PEPD: variants seen among roughly 807,000 people sequenced by gnomAD.
The protein encoded by PEPD is xaa-Pro dipeptidase.
In PEPD, 53 loss-of-function variants were observed where a neutral mutation model predicts 60.7. The observed-to-expected ratio is 0.87, with a 90% confidence interval of 0.70 to 1.10. PEPD has a LOEUF of 1.10. Ranked by LOEUF, PEPD falls within the 50% of genes least tolerant of loss-of-function variation. The pLI is 0.00. For missense variants in PEPD, 711 were observed against 711.9 expected (o/e 1.00, Z 0.01); for synonymous variants, 267 against 284.1 (o/e 0.94, Z 0.60).
intron 9 of PEPD, among the ~76,000 whole-genome samples, chr19:33,455,888 T>C (rs1185856686): frequency 6.6e-6 from 1 of 152,136 alleles, no homozygotes; most frequent in African/African-American, 2.4e-5. Context: ...CACAGTTCCT[T>C]ATGATTTCTA....
At chr19:33,438,837 A>C (rs73588266) in intron 9 of PEPD, among the ~76,000 whole-genome samples, 1,822 of 152,336 alleles carry the variant, frequency 0.012, 38 homozygotes, top group African/African-American at 0.041. Flanking sequence ...CTCCTGCCTC[A>C]GCCTCCTGAG....
chr19:33,493,180 T>A (rs1970532557), intron 5 of PEPD, 110 bp downstream of exon 5: 4 of 795,344 alleles, frequency 5.0e-6, no homozygotes, highest in Non-Finnish European at 8.8e-6. Context: ...CCAACCCCTC[T>A]CCGTTTTTTA....
At chr19:33,434,901 T>C (rs1969345076) in intron 9 of PEPD, among the ~76,000 whole-genome samples, 1 of 144,126 alleles carries the variant, frequency 6.9e-6, no homozygotes, top group South Asian at 2.2e-4. Context: ...GGCACTCAGG[T>C]GTTAAGGTTG....
chr19:33,481,285 G>T (rs12608727), intron 6 of PEPD, among the ~76,000 whole-genome samples: 1 of 152,146 alleles, frequency 6.6e-6, no homozygotes, highest in Non-Finnish European at 1.5e-5. Flanking sequence ...AGAAAATCTA[G>T]GCTGGGCGCA....
chr19:33,413,726 G>T lies in PEPD; in HGVS notation c.672-83C>A. The T allele has an allele frequency of 3.6e-6, 3 of 826,448 alleles. No homozygotes were observed. In the East Asian group the frequency reaches 8.0e-5, roughly 22 times the overall value. 51.2% of individuals were successfully genotyped at this position (826,448 alleles called of 1,614,324 possible). On this transcript the variant is annotated intron_variant, in intron 9 of 14. Coordinates refer to ENST00000244137, the MANE Select transcript of PEPD (RefSeq NM_000285.4). Reference sequence around the variant, plus strand: ...CGAGCCCCATGAACCCCAAGGGAAGGCCCTCGGCCCATGGTCTCCCCTGCC... The same window carrying T: ...CGAGCCCCATGAACCCCAAGGGAAGTCCCTCGGCCCATGGTCTCCCCTGCC...
chr19:33,453,761 C>A (rs1486768898), intron 9 of PEPD, among the ~76,000 whole-genome samples: 1 of 152,166 alleles, frequency 6.6e-6, no homozygotes, highest in African/African-American at 2.4e-5. Flanking sequence ...TCCTCCTAAT[C>A]CTCCTATGAA....
At chr19:33,473,180 A>G (rs1970156944) in intron 7 of PEPD, among the ~76,000 whole-genome samples, 1 of 151,996 alleles carries the variant, frequency 6.6e-6, no homozygotes, top group Non-Finnish European at 1.5e-5. Flanking sequence ...GCAGTGACTC[A>G]AGTTCTCACT....
chr19:33,481,996 G>C (rs1418119453), intron 6 of PEPD, among the ~76,000 whole-genome samples: 1 of 152,086 alleles, frequency 6.6e-6, no homozygotes, highest in Non-Finnish European at 1.5e-5. Flanking sequence ...CTCCAGCCTG[G>C]GAGATAGAGA....
At position 33,521,723 on chromosome 19, in the gene PEPD, C is replaced by A. The variant is rs373961040; in HGVS notation, c.17+21G>T. 1,464 of 1,578,764 alleles carry A rather than the reference C, an allele frequency of 9.3e-4. 1 individual carries two copies. The highest frequency in any genetic ancestry group is 1.2e-3 in the Non-Finnish European group (1,365 of 1,167,460). ...CCCTCTCCACGCCAGCGGGAAAGAG[C>A]GAGGGAGGCGCAGCACTCACCCGGT... On this transcript the variant is annotated intron_variant, in intron 1 of 14. Transcript: ENST00000244137.
At chr19:33,493,516 T>A in intron 4 of PEPD, 179 bp from the exon 5 acceptor site, 1 of 688,504 alleles carries the variant, frequency 1.5e-6, no homozygotes, top group Non-Finnish European at 2.7e-6. Flanking sequence ...GTTGAAGGAC[T>A]TCTGAAAGCC....
intron 1 of PEPD, among the ~76,000 whole-genome samples, chr19:33,514,834 C>G (rs1970996720): frequency 6.6e-6 from 1 of 152,070 alleles, no homozygotes; most frequent in Admixed American, 6.5e-5. Flanking sequence ...ACTCTTCTTT[C>G]CACTGTCTTC....
chr19:33,420,298 G>A (rs984560427), intron 9 of PEPD, among the ~76,000 whole-genome samples: 2 of 152,190 alleles, frequency 1.3e-5, no homozygotes, highest in African/African-American at 4.8e-5. Flanking sequence ...AAAAGTCACT[G>A]ATCGTGTTAA....
intron 9 of PEPD, among the ~76,000 whole-genome samples, chr19:33,453,519 T>C (rs1469435164): frequency 6.6e-6 from 1 of 152,234 alleles, no homozygotes; most frequent in Non-Finnish European, 1.5e-5. Context: ...CAGCATGTGT[T>C]CACTTTGTGT....
At chr19:33,501,310 C>T (rs891714469) in intron 3 of PEPD, among the ~76,000 whole-genome samples, 1 of 152,196 alleles carries the variant, frequency 6.6e-6, no homozygotes, top group Non-Finnish European at 1.5e-5. Flanking sequence ...CTGCCAGAGA[C>T]AGTCCACCAG....
At chr19:33,410,338 C>T (rs1380302375) in intron 11 of PEPD, among the ~76,000 whole-genome samples, 4 of 152,208 alleles carry the variant, frequency 2.6e-5, no homozygotes, top group Admixed American at 2.6e-4. Context: ...TCTCAGTAGG[C>T]CATGTGCCCA....
chr19:33,494,698 T>C (rs990211903), intron 4 of PEPD, among the ~76,000 whole-genome samples: 1 of 152,248 alleles, frequency 6.6e-6, no homozygotes, highest in Non-Finnish European at 1.5e-5. Flanking sequence ...CAGCATCTCA[T>C]TTAACCACAC....
intron 9 of PEPD, among the ~76,000 whole-genome samples, chr19:33,444,135 A>G (rs919865618): frequency 1.3e-5 from 2 of 152,002 alleles, no homozygotes; most frequent in South Asian, 4.2e-4. Context: ...ATGCATGTAC[A>G]TATCACACGC....
chr19:33,407,425 C>T (rs1023182225), intron 11 of PEPD, among the ~76,000 whole-genome samples: 4 of 152,186 alleles, frequency 2.6e-5, no homozygotes, highest in African/African-American at 4.8e-5. Flanking sequence ...GGGGGCAGCA[C>T]ATGGGGGCTC....
intron 4 of PEPD, among the ~76,000 whole-genome samples, chr19:33,498,243 G>A (rs1412535862): frequency 6.6e-6 from 1 of 152,186 alleles, no homozygotes; most frequent in Non-Finnish European, 1.5e-5. Context: ...TTGACGGGGT[G>A]CGGTGGGGTG....
Sources: gnomAD v4.1 joint callset for allele counts (sites outside exome capture counted in the v4.1 genomes callset) on GRCh38, gnomAD v4.1.1 for gene constraint, MANE v1.5 for transcripts, NCBI Gene and HGNC (gene_info 2026-07-23, HGNC 2026-07-21) for gene names.